Variants in MED12L observed in about 807,000 individuals in gnomAD.
MED12L encodes the protein mediator of RNA polymerase II transcription subunit 12-like protein.
In MED12L, 60 loss-of-function variants were observed where a neutral mutation model predicts 281.3. The observed-to-expected ratio is 0.21, with a 90% confidence interval of 0.17 to 0.26. MED12L has a LOEUF of 0.26. Among genes scored for constraint, MED12L ranks in the 10% least tolerant of loss-of-function variants. MED12L has a pLI of 1.00. For synonymous variants in MED12L, 974 were observed against 987.2 expected (o/e 0.99, Z 0.25); for missense variants, 2,146 against 2,680.9 (o/e 0.80, Z 4.41).
chr3:151,238,453 A>G (rs973403000), intron 16 of MED12L, among the ~76,000 whole-genome samples: 2 of 152,206 alleles, frequency 1.3e-5, no homozygotes, highest in African/African-American at 4.8e-5. Context: ...AGCCTGGAAC[A>G]GTGGTTTTTA....
intron 16 of MED12L, chr3:151,198,739 T>C: frequency 6.2e-7 from 1 of 1,613,516 alleles, no homozygotes; most frequent in Non-Finnish European, 8.5e-7. Flanking sequence ...TTTTCACATT[T>C]GGGTAATTTT....
In MED12L at chr3:151,355,201, C is replaced by T; in HGVS notation, c.2479C>T (p.Leu827Phe). 1.2e-6 allele frequency: 2 copies of T among 1,613,566 alleles called. No individual in the cohort carries two copies. The highest frequency in any genetic ancestry group is 1.7e-6 in the Non-Finnish European group (2 of 1,179,588). Residue 827 changes from leucine to phenylalanine, a missense_variant, in exon 18 of 45, where the codon CTC (leucine) becomes TTC (phenylalanine). Coordinates refer to ENST00000687756, the MANE Select transcript of MED12L (RefSeq NM_001393769.1). ...TLETVFTKLQLLSYFDQHQVT... is the reference protein window; with the variant it reads ...TLETVFTKLQFLSYFDQHQVT... ...GGAGACTGTGTTCACTAAACTCCAGCTCCTTTCATATTTTGATCAACATCA... is the reference window on the plus strand; with the variant it reads ...GGAGACTGTGTTCACTAAACTCCAGTTCCTTTCATATTTTGATCAACATCA...
chr3:151,376,400 T>C (rs1034863949), intron 28 of MED12L, among the ~76,000 whole-genome samples, 186 bp downstream of exon 28: 14 of 152,200 alleles, frequency 9.2e-5, no homozygotes, highest in Admixed American at 7.9e-4. Flanking sequence ...AAATTGTATA[T>C]GATCATCAAA....
intron 3 of MED12L, among the ~76,000 whole-genome samples, chr3:151,118,188 A>C (rs868857014): frequency 6.1e-5 from 9 of 148,692 alleles, no homozygotes; most frequent in Middle Eastern, 3.4e-3. Flanking sequence ...GTTGGATGTT[A>C]AAATACTTTT....
intron 16 of MED12L, chr3:151,199,444 A>G (rs1725208537): frequency 6.9e-7 from 1 of 1,451,112 alleles, no homozygotes; most frequent in Non-Finnish European, 9.3e-7. Context: ...AAGACTCTGT[A>G]AAAGAAACAA....
intron 16 of MED12L, among the ~76,000 whole-genome samples, chr3:151,288,086 G>T (rs1577237620): frequency 1.3e-5 from 2 of 152,214 alleles, no homozygotes; most frequent in South Asian, 4.1e-4. Flanking sequence ...TCCACAAATG[G>T]CTCAGGAATC....
intron 5 of MED12L, among the ~76,000 whole-genome samples, chr3:151,145,156 C>G (rs1422433096): frequency 6.6e-6 from 1 of 152,176 alleles, no homozygotes; most frequent in Non-Finnish European, 1.5e-5. Flanking sequence ...CTCTAAAACT[C>G]CAAAGCTGGT....
At chr3:151,165,140 A>G (rs11914598) in intron 9 of MED12L, among the ~76,000 whole-genome samples, 50,090 of 152,070 alleles carry the variant, frequency 0.33, 11,193 homozygotes, top group African/African-American at 0.64. Flanking sequence ...ATTTTAGAAC[A>G]TTCACCTTTC....
intron 6 of MED12L, among the ~76,000 whole-genome samples, chr3:151,156,678 G>A (rs867859504): frequency 6.6e-6 from 1 of 152,204 alleles, no homozygotes; most frequent in African/African-American, 2.4e-5. Context: ...TGTGGTAGCA[G>A]ACCTCCTTTA....
chr3:151,419,983 T>C (rs1172541364), intron 43 of MED12L, among the ~76,000 whole-genome samples: 1 of 152,218 alleles, frequency 6.6e-6, no homozygotes, highest in Non-Finnish European at 1.5e-5. Context: ...CTGGTATTGA[T>C]GACTACCTTC....
intron 16 of MED12L, among the ~76,000 whole-genome samples, chr3:151,323,105 A>T (rs752640385): frequency 2.6e-5 from 4 of 152,180 alleles, no homozygotes; most frequent in Non-Finnish European, 5.9e-5. Flanking sequence ...TATGGATCCC[A>T]TTGCTAATAT....
At chr3:151,384,324 T>A in intron 35 of MED12L, 106 bp downstream of exon 35, 1 of 1,147,918 alleles carries the variant, frequency 8.7e-7, no homozygotes, top group Non-Finnish European at 1.2e-6. Context: ...GTATTCAACT[T>A]AATTTAATGT....
chr3:151,346,503 ACTT>A (rs950157936), intron 16 of MED12L, among the ~76,000 whole-genome samples: 2 of 152,018 alleles, frequency 1.3e-5, no homozygotes, highest in African/African-American at 2.4e-5. Context: ...ACTTAGAGAA[ACTT>A]CTTCTCCTTT....
At chr3:151,089,255 C>T (rs994772421) in intron 2 of MED12L, among the ~76,000 whole-genome samples, 3 of 152,056 alleles carry the variant, frequency 2.0e-5, no homozygotes, top group South Asian at 2.1e-4. Flanking sequence ...CATGCACACA[C>T]GTATATGATT....
At chr3:151,359,249 A>T (rs1754316258) in intron 20 of MED12L, among the ~76,000 whole-genome samples, 1 of 152,080 alleles carries the variant, frequency 6.6e-6, no homozygotes, top group African/African-American at 2.4e-5. Context: ...TGCTGCAAAG[A>T]GCATGATTTT....
chr3:151,193,722 A>T, intron 16 of MED12L, 56 bp downstream of exon 16: 1 of 1,419,480 alleles, frequency 7.0e-7, no homozygotes, highest in Non-Finnish European at 9.8e-7. Flanking sequence ...AAGATCAATA[A>T]CTGTTGAACG....
intron 4 of MED12L, among the ~76,000 whole-genome samples, chr3:151,124,965 C>T (rs148832729): frequency 1.1e-4 from 17 of 152,254 alleles, no homozygotes; most frequent in African/African-American, 2.4e-5. Flanking sequence ...GCAGTGATAA[C>T]GTGCATCCAA....
At position 151,158,756 on chromosome 3, in the gene MED12L, T is replaced by C. The variant is rs760719851; in HGVS notation, c.794T>C (p.Met265Thr). The change falls in exon 7 of 45, where the codon ATG becomes ACG. Residue 265 changes from methionine (M) to threonine (T), a missense_variant. Coordinates refer to ENST00000687756, the MANE Select transcript of MED12L (RefSeq NM_001393769.1). ...GATGTTTTAGAAAAGATCAGACCAA[T>C]GGATGATGATCTTCTTAAACTCTTG... ...ILDVLEKIRP[M>T]DDDLLKLLLP... The C allele has an allele frequency of 1.2e-6, 2 of 1,613,192 alleles. No individual in the cohort carries two copies. The highest frequency in any genetic ancestry group is 1.7e-6 in the Non-Finnish European group (2 of 1,179,444).
At chr3:151,226,480 G>A (rs866126133) in intron 16 of MED12L, among the ~76,000 whole-genome samples, 7 of 152,196 alleles carry the variant, frequency 4.6e-5, no homozygotes, top group African/African-American at 1.7e-4. Context: ...TCAAACTAAT[G>A]TCTGATTGAT....
Sources: allele counts gnomAD v4.1 joint callset (sites outside exome capture counted in the v4.1 genomes callset), GRCh38; gene constraint gnomAD v4.1.1; transcripts MANE v1.5; gene names NCBI Gene and HGNC (gene_info 2026-07-23, HGNC 2026-07-21).